The following PARD3B variants were observed in gnomAD, a reference collection of about 807,000 sequenced individuals.
The protein encoded by PARD3B is partitioning defective 3 homolog B.
PARD3B carries 103 observed loss-of-function variants against 130.2 expected under a neutral mutation model. The ratio of observed to expected loss-of-function variants is 0.79; its 90% CI spans 0.67 to 0.93. The LOEUF is 0.93. Ranked by LOEUF, PARD3B falls within the 40% of genes least tolerant of loss-of-function variation. The probability of loss-of-function intolerance (pLI) is 0.00; values close to 1 mark genes in which losing one functional copy is unlikely to be tolerated. For missense variants in PARD3B, 1,609 were observed against 1,499.2 expected (o/e 1.07, Z -1.21); for synonymous variants, 583 against 553.2 (o/e 1.05, Z -0.76).
At chr2:204,995,177 A>G (rs1483038312) in intron 3 of PARD3B, among the ~76,000 whole-genome samples, 1 of 152,170 alleles carries the variant, frequency 6.6e-6, no homozygotes, top group Non-Finnish European at 1.5e-5. Context: ...TCCTAGTCTC[A>G]ATGGTCTTTA....
rs10210583 is a variant in PARD3B, at chr2:204,856,530, A to G, written c.223-108622A>G. Among the ~76,000 whole-genome samples the G allele has an allele frequency of 4.1e-3, 617 of 152,228 alleles. 7 individuals carry two copies. Among genetic ancestry groups the G allele is most frequent in the African/African-American group, 0.014 (594 of 41,550 alleles). ...ACTGTTTCCTTTGTTGTGCAGAGGA[A>G]ACAATTTTTAGTTTGATGCAATCCT... On this transcript the variant is annotated intron_variant, in intron 2 of 22. Transcript: ENST00000406610.
chr2:205,399,080 C>G (rs1221392991), intron 18 of PARD3B, among the ~76,000 whole-genome samples: 1 of 151,924 alleles, frequency 6.6e-6, no homozygotes, highest in East Asian at 2.0e-4. Flanking sequence ...ACCAGCCTGG[C>G]CAACATGGTG....
chr2:205,131,569 A>G (rs1344216722), intron 10 of PARD3B, among the ~76,000 whole-genome samples: 1 of 152,194 alleles, frequency 6.6e-6, no homozygotes, highest in Non-Finnish European at 1.5e-5. Context: ...GAAGAGTGAT[A>G]AGTGGATCAA....
chr2:205,188,442 C>A (rs1214326330), intron 14 of PARD3B, among the ~76,000 whole-genome samples: 1 of 152,076 alleles, frequency 6.6e-6, no homozygotes, highest in East Asian at 1.9e-4. Context: ...TCAGGCAGAG[C>A]AGTTTCAGTG....
At chr2:205,045,962 C>T (rs2125408438) in intron 3 of PARD3B, among the ~76,000 whole-genome samples, 1 of 152,204 alleles carries the variant, frequency 6.6e-6, no homozygotes, top group Admixed American at 6.5e-5. Context: ...TGTTTATTTT[C>T]TCCCATTCAA....
intron 6 of PARD3B, 30 bp downstream of exon 6, chr2:205,113,607 A>T (rs745346277): frequency 6.4e-7 from 1 of 1,552,824 alleles, no homozygotes; most frequent in South Asian, 1.2e-5. Context: ...CCAGAAGCTC[A>T]TGCTAATGAA....
chr2:205,152,108 T>C (rs1100393), intron 10 of PARD3B, among the ~76,000 whole-genome samples: 53,738 of 152,088 alleles, frequency 0.35, 9,885 homozygotes, highest in Admixed American at 0.48. Context: ...TTCTAGCCTT[T>C]ACAGTTTCTG....
intron 2 of PARD3B, among the ~76,000 whole-genome samples, chr2:204,716,990 T>C (rs2038763507): frequency 6.6e-6 from 1 of 152,162 alleles, no homozygotes; most frequent in Admixed American, 6.5e-5. Context: ...GGTTTTCTGA[T>C]GTCTTTAGGT....
At position 204,883,610 on chromosome 2, in the gene PARD3B, G is replaced by A. The variant is rs905388394; in HGVS notation, c.223-81542G>A. ...CTACAGGTGTCCGCCACCACGCCCA[G>A]CTAATTTTTATTTTTAGTAGAGACA... On this transcript the variant is annotated intron_variant, in intron 2 of 22. Coordinates refer to ENST00000406610, the MANE Select transcript of PARD3B (RefSeq NM_001302769.2). 3.3e-5 allele frequency among the ~76,000 whole-genome samples: 5 copies of A among 150,786 alleles called. No homozygotes were observed. In the East Asian group the frequency reaches 7.8e-4, roughly 24 times the overall value.
chr2:204,825,534 G>T (rs2043534323), intron 2 of PARD3B, among the ~76,000 whole-genome samples: 1 of 152,212 alleles, frequency 6.6e-6, no homozygotes, highest in African/African-American at 2.4e-5. Context: ...TCATTAGCAT[G>T]ACTAGGCTAC....
At chr2:204,567,213 T>C (rs974314198) in intron 1 of PARD3B, among the ~76,000 whole-genome samples, 1 of 152,200 alleles carries the variant, frequency 6.6e-6, no homozygotes, top group Non-Finnish European at 1.5e-5. Flanking sequence ...GATTTTTTTT[T>C]CGTTAAAACG....
At chr2:205,435,830 A>AG (rs2047493997) in intron 19 of PARD3B, among the ~76,000 whole-genome samples, 1 of 152,016 alleles carries the variant, frequency 6.6e-6, no homozygotes, top group Non-Finnish European at 1.5e-5. Context: ...TATTGTTCCC[A>AG]CAGATATTTA....
intron 2 of PARD3B, among the ~76,000 whole-genome samples, chr2:204,836,416 A>C (rs555671594): frequency 6.6e-6 from 1 of 152,264 alleles, no homozygotes; most frequent in Admixed American, 6.5e-5. Context: ...TAATCCTAGC[A>C]CTTTGGGAGG....
intron 3 of PARD3B, among the ~76,000 whole-genome samples, chr2:204,985,368 G>GA (rs1693043326): frequency 6.6e-6 from 1 of 152,092 alleles, no homozygotes; most frequent in Admixed American, 6.6e-5. Flanking sequence ...GTGGTTGAGT[G>GA]GATACTACCA....
rs115208190 is a variant in PARD3B at position 204,588,373 on chromosome 2, C to T, written c.120+42254C>T. 8.7e-3 allele frequency among the ~76,000 whole-genome samples: 1,326 copies of T among 152,242 alleles called. 22 individuals are homozygous for T. Among genetic ancestry groups the T allele is most frequent in the African/African-American group, 0.03 (1,260 of 41,542 alleles). Reference sequence around the variant, plus strand: ...CTGAAACTCCTGGAGAAGCAGGTAACCTGCGTATTTAATTCAAGGACTGAA... The same window carrying T: ...CTGAAACTCCTGGAGAAGCAGGTAATCTGCGTATTTAATTCAAGGACTGAA... On this transcript the variant is annotated intron_variant, in intron 1 of 22. Coordinates refer to ENST00000406610, the MANE Select transcript of PARD3B (RefSeq NM_001302769.2).
At chr2:205,593,922 A>G (rs1037863576) in intron 22 of PARD3B, among the ~76,000 whole-genome samples, 1 of 152,222 alleles carries the variant, frequency 6.6e-6, no homozygotes, top group East Asian at 1.9e-4. Context: ...CATTCCTCCA[A>G]TGTGCTGTCA....
intron 1 of PARD3B, among the ~76,000 whole-genome samples, chr2:204,613,042 T>G (rs959129911): frequency 2.0e-5 from 3 of 152,172 alleles, no homozygotes; most frequent in African/African-American, 7.2e-5. Context: ...AGGATACTTG[T>G]ACATGTATTT....
chr2:205,511,275 G>A (rs1442091658), intron 21 of PARD3B, among the ~76,000 whole-genome samples: 2 of 151,982 alleles, frequency 1.3e-5, no homozygotes, highest in Non-Finnish European at 2.9e-5. Context: ...ACCCATCTCT[G>A]GCTCAAACCC....
chr2:205,165,519 A>G (rs1205647212), intron 11 of PARD3B, among the ~76,000 whole-genome samples: 1 of 152,050 alleles, frequency 6.6e-6, no homozygotes, highest in African/African-American at 2.4e-5. Context: ...GCTTATTACA[A>G]TAAGCCTGAC....
Sources: allele counts gnomAD v4.1 joint callset (sites outside exome capture counted in the v4.1 genomes callset), GRCh38; gene constraint gnomAD v4.1.1; transcripts MANE v1.5; gene names NCBI Gene and HGNC (gene_info 2026-07-23, HGNC 2026-07-21).